Variants in EDNRB observed in about 807,000 individuals in gnomAD.
The protein encoded by EDNRB is Hirschsprung disease 2.
A neutral mutation model predicts 46.4 loss-of-function variants in EDNRB; 18 were observed. The ratio of observed to expected loss-of-function variants is 0.39; its 90% CI spans 0.27 to 0.57. The LOEUF (loss-of-function observed/expected upper bound fraction) is 0.57. Among genes scored for constraint, EDNRB ranks in the 20% least tolerant of loss-of-function variants. The pLI, the probability that EDNRB is intolerant of heterozygous loss-of-function variation, is 0.61. For missense variants in EDNRB, 434 were observed against 537.5 expected, an observed-to-expected ratio of 0.81 and a Z score of 1.90; for synonymous variants, 213 against 204.9, an observed-to-expected ratio of 1.04 and a Z score of -0.34.
At chr13:77,911,961 A>C (rs1879593030) in intron 1 of EDNRB, among the ~76,000 whole-genome samples, 1 of 152,012 alleles carries the variant, frequency 6.6e-6, no homozygotes, top group South Asian at 2.1e-4. Context: ...ATCTGTCAAC[A>C]CCCTTTAAAG....
intron 1 of EDNRB, among the ~76,000 whole-genome samples, chr13:77,908,731 A>T (rs904285653): frequency 1.3e-5 from 2 of 151,966 alleles, no homozygotes; most frequent in African/African-American, 4.8e-5. Flanking sequence ...AGATAACTTA[A>T]GGGCAAGGTC....
chr13:77,954,785 G>A (rs1881189139), intron 1 of EDNRB, among the ~76,000 whole-genome samples: 1 of 152,110 alleles, frequency 6.6e-6, no homozygotes, highest in African/African-American at 2.4e-5. Context: ...GGGATTACAG[G>A]TGTGAGCCAA....
chr13:77,915,879 A>G (rs747155637), intron 1 of EDNRB, among the ~76,000 whole-genome samples: 2 of 152,240 alleles, frequency 1.3e-5, no homozygotes, highest in Non-Finnish European at 2.9e-5. Flanking sequence ...GGATGGCTTC[A>G]GGGAAAAGGA....
intron 1 of EDNRB, among the ~76,000 whole-genome samples, chr13:77,959,377 G>T (rs955369024): frequency 6.6e-6 from 1 of 152,202 alleles, no homozygotes; most frequent in Admixed American, 6.5e-5. Flanking sequence ...AACATTTGCT[G>T]TTCAGCAATA....
chr13:77,938,435 G>T (rs989419419), intron 1 of EDNRB, among the ~76,000 whole-genome samples: 12 of 151,516 alleles, frequency 7.9e-5, no homozygotes, highest in Non-Finnish European at 1.8e-4. Context: ...GGGTTGGGGG[G>T]TTCTTGTCCC....
intron 1 of EDNRB, among the ~76,000 whole-genome samples, chr13:77,936,232 G>A (rs187644554): frequency 3.7e-4 from 57 of 152,286 alleles, no homozygotes; most frequent in African/African-American, 1.3e-3. Context: ...GGAAAAGGCG[G>A]CAATGAGGTG....
chr13:77,911,424 T>C (rs563139987), intron 1 of EDNRB, among the ~76,000 whole-genome samples: 11 of 152,144 alleles, frequency 7.2e-5, no homozygotes, highest in African/African-American at 2.4e-4. Context: ...CTGAACACAC[T>C]GAGTGAGTGG....
chr13:77,908,952 C>T (rs1186993513), intron 1 of EDNRB, among the ~76,000 whole-genome samples: 1 of 151,996 alleles, frequency 6.6e-6, no homozygotes, highest in Non-Finnish European at 1.5e-5. Flanking sequence ...GTTTTCATAT[C>T]ATGATGTCTC....
intron 5 of EDNRB, 122 bp downstream of exon 5, chr13:77,900,399 T>A (rs1878899165): frequency 1.4e-6 from 2 of 1,401,332 alleles, no homozygotes; most frequent in African/African-American, 2.8e-5. Context: ...AAATTGGGAG[T>A]CTCCATGACT....
chr13:77,918,691 C>T lies in EDNRB; in HGVS notation c.-118G>A. On this transcript the variant is annotated 5_prime_UTR_variant, in exon 1 of 7. Transcript: ENST00000646607. The surrounding 1 kb of genome is among the most constrained non-coding windows in gnomAD (Gnocchi z 4.5). ...GCTGCCCGAGCCAAGTCGCTGCAAA[C>T]GCTAATACCGCCCGCAGCCTCTTCG... 2.8e-6 allele frequency: 4 copies of T among 1,408,150 alleles called. No individual in the cohort carries two copies. The highest frequency in any genetic ancestry group is 3.7e-6 in the Non-Finnish European group (4 of 1,086,570). 87.2% of individuals were successfully genotyped at this position (1,408,150 alleles called of 1,614,324 possible).
At chr13:77,938,294 G>A (rs530108770) in intron 1 of EDNRB, among the ~76,000 whole-genome samples, 76 of 152,012 alleles carry the variant, frequency 5.0e-4, no homozygotes, top group East Asian at 1.9e-3. Flanking sequence ...GGGTTGGGGC[G>A]CAGAGATTAG....
chr13:77,897,743 G>T lies in EDNRB; in HGVS notation c.*457C>A. ...GTGTGATAATATTAATTGAAAAGTT[G>T]TTTTAAAGGATTTTAAAATTTTAAA... On this transcript the variant is annotated 3_prime_UTR_variant, in exon 7 of 7. Transcript: ENST00000646607. 3 of 986,056 alleles carry T rather than the reference G, an allele frequency of 3.0e-6. No homozygotes were observed. In the African/African-American group the frequency reaches 5.2e-5, roughly 17 times the overall value. 61.1% of individuals were successfully genotyped at this position (986,056 alleles called of 1,614,324 possible). A position where few individuals can be genotyped will look rare whatever the true frequency, so the allele number is the denominator to read the frequency against.
At chr13:77,908,840 A>G (rs1311084824) in intron 1 of EDNRB, among the ~76,000 whole-genome samples, 1 of 152,048 alleles carries the variant, frequency 6.6e-6, no homozygotes, top group Admixed American at 6.6e-5. Context: ...TCGCTTCCAC[A>G]TAAATTAAAA....
At chr13:77,941,598 C>T (rs1424348118) in intron 1 of EDNRB, among the ~76,000 whole-genome samples, 3 of 152,190 alleles carry the variant, frequency 2.0e-5, no homozygotes, top group Non-Finnish European at 4.4e-5. Flanking sequence ...ACAGATGAGG[C>T]AGTTTCTCTT....
At chr13:77,955,315 A>T (rs1422877197) in intron 1 of EDNRB, among the ~76,000 whole-genome samples, 2 of 152,084 alleles carry the variant, frequency 1.3e-5, no homozygotes, top group African/African-American at 4.8e-5. Context: ...TAAAAATTAA[A>T]TTGTTCATTT....
chr13:77,938,464 C>T (rs1055704191), intron 1 of EDNRB, among the ~76,000 whole-genome samples: 20 of 150,886 alleles, frequency 1.3e-4, no homozygotes, highest in African/African-American at 4.4e-4. Flanking sequence ...GTGGTACTTG[C>T]TGCTAAGGGT....
chr13:77,970,947 G>C (rs1881710871), intron 1 of EDNRB, among the ~76,000 whole-genome samples: 1 of 152,154 alleles, frequency 6.6e-6, no homozygotes. Flanking sequence ...GTCTTGTGAT[G>C]AGTTTCTTCA....
At chr13:77,905,650 G>C (rs1879237604) in intron 1 of EDNRB, among the ~76,000 whole-genome samples, 1 of 151,992 alleles carries the variant, frequency 6.6e-6, no homozygotes, top group Non-Finnish European at 1.5e-5. Context: ...GGGATTTGAG[G>C]TGTTTTCTTG....
intron 1 of EDNRB, among the ~76,000 whole-genome samples, chr13:77,940,234 A>G (rs2137663801): frequency 6.6e-6 from 1 of 152,224 alleles, no homozygotes; most frequent in South Asian, 2.1e-4. Flanking sequence ...CTTCACTATA[A>G]GAGATTCATT....
Sources: gnomAD v4.1 joint callset for allele counts (sites outside exome capture counted in the v4.1 genomes callset) on GRCh38, gnomAD v4.1.1 for gene constraint, Gnocchi (gnomAD v3.1) non-coding constraint, MANE v1.5 for transcripts, NCBI Gene and HGNC (gene_info 2026-07-23, HGNC 2026-07-21) for gene names.